POSTN: variants seen among roughly 807,000 people sequenced by gnomAD.
POSTN encodes osteoblast specific factor 2 (fasciclin I-like).
In POSTN, 71 loss-of-function variants were observed where a neutral mutation model predicts 104.5. That is an observed-to-expected ratio of 0.68 (90% CI 0.56 to 0.83). The LOEUF (loss-of-function observed/expected upper bound fraction) is 0.83. POSTN is among the 40% of genes least tolerant of loss of function. The probability of loss-of-function intolerance (pLI) is 0.00; values close to 1 mark genes in which losing one functional copy is unlikely to be tolerated. For synonymous variants in POSTN, 355 were observed against 340.7 expected (o/e 1.04, Z -0.46); for missense variants, 949 against 1,006.8 (o/e 0.94, Z 0.78).
At chr13:37,564,377 G>T (rs1950028987) in intron 22 of POSTN, 142 bp downstream of exon 22, 2 of 554,694 alleles carry the variant, frequency 3.6e-6, no homozygotes, top group Admixed American at 3.2e-5. Context: ...TATCAAAATT[G>T]TTTTCATCAA....
At chr13:37,588,023 G>A in intron 4 of POSTN, 37 bp from the exon 5 acceptor site, 3 of 1,494,882 alleles carry the variant, frequency 2.0e-6, no homozygotes, top group South Asian at 1.2e-5. Context: ...TCAATTTATT[G>A]TGGAACATTA....
rs1566041983 is a variant in POSTN at position 37,598,736 on chromosome 13, C to T, written c.-10G>A. ...GTAAAAAGGGAATCATCTTGAGTCT[C>T]TCCGTTGCAGTTAGTCCCCGAAGAG... On this transcript the variant is annotated 5_prime_UTR_variant, in exon 1 of 23. Transcript: ENST00000379747. The T allele has an allele frequency of 1.9e-6, 3 of 1,611,876 alleles. No homozygotes were observed. The highest frequency in any genetic ancestry group is 2.7e-5 in the African/African-American group (2 of 74,964).
intron 2 of POSTN, among the ~76,000 whole-genome samples, chr13:37,594,764 T>G (rs1946072031): frequency 1.8e-5 from 1 of 56,942 alleles, no homozygotes; most frequent in Non-Finnish European, 4.9e-5. Flanking sequence ...AGAGCAACTG[T>G]CAGCTGAAAG....
intron 15 of POSTN, 22 bp downstream of exon 15, chr13:37,578,818 GAAAT>G (rs773219570): frequency 1.8e-5 from 18 of 1,023,568 alleles, no homozygotes; most frequent in African/African-American, 1.2e-4. Flanking sequence ...AAAAAAAAAA[GAAAT>G]AAATCAAGTA....
At chr13:37,567,479 T>A (rs894511531) in intron 21 of POSTN, among the ~76,000 whole-genome samples, 2 of 152,094 alleles carry the variant, frequency 1.3e-5, no homozygotes, top group African/African-American at 4.8e-5. Flanking sequence ...ACCTGATGGT[T>A]TTAGATAGCT....
chr13:37,595,912 G>A (rs1010279352), intron 2 of POSTN, among the ~76,000 whole-genome samples: 1 of 150,868 alleles, frequency 6.6e-6, no homozygotes, highest in South Asian at 2.1e-4. Context: ...CTAGGTTCAA[G>A]CGATTCTCCT....
intron 4 of POSTN, among the ~76,000 whole-genome samples, chr13:37,589,617 G>A (rs1024219605): frequency 2.0e-5 from 3 of 152,142 alleles, no homozygotes; most frequent in African/African-American, 7.2e-5. Context: ...AACTGGAGAG[G>A]TGGTTAGAGA....
In POSTN at chr13:37,587,849, C is replaced by A; in HGVS notation, c.579G>T (p.Gly193=). 3.1e-6 allele frequency: 5 copies of A among 1,603,090 alleles called. No homozygotes were observed. The highest frequency in any genetic ancestry group is 4.3e-6 in the Non-Finnish European group (5 of 1,171,652). Residue 193 remains glycine (G), a synonymous_variant, in exon 5 of 23, where the codon GGG becomes GGT. Coordinates refer to ENST00000379747, the MANE Select transcript of POSTN (RefSeq NM_006475.3). The stretch of plus-strand genomic sequence containing the variant: ...CATTAGGATAATGGTTAATGAAAAG[C>A]CCCAAATTGTTATACATTGAAGGAA... ...MIIPSMYNNL[G]LFINHYPNGV... is the part of the protein sequence containing the mutation.
chr13:37,569,314 C>A lies in POSTN; in HGVS notation c.2417G>T (p.Arg806Ile). The A allele has an allele frequency of 5.6e-6, 9 of 1,612,148 alleles. No homozygotes were observed. Among genetic ancestry groups the A allele is most frequent in the Non-Finnish European group, 7.6e-6 (9 of 1,178,576 alleles). The change falls in exon 21 of 23, where the codon AGA (arginine) becomes ATA (isoleucine). Residue 806 changes from arginine (R) to isoleucine (I), a missense_variant. Arg to Ile is a moderately conservative substitution (Grantham distance 97, BLOSUM62 -3). Transcript: ENST00000379747. ...CTTTTACTAACCTCCCTGAAGCAGT[C>A]TTTTAATTTCTTCATCTTCAAATAA... ...GHLFEDEEIK[R>I]LLQGDTPVRK...
chr13:37,597,063 A>G, intron 2 of POSTN, 121 bp downstream of exon 2: 1 of 568,066 alleles, frequency 1.8e-6, no homozygotes, highest in Non-Finnish European at 2.9e-6. Flanking sequence ...TTTTCTTTAA[A>G]TAACTCTCAC....
chr13:37,567,831 C>T (rs1336676069), intron 21 of POSTN, among the ~76,000 whole-genome samples: 1 of 152,028 alleles, frequency 6.6e-6, no homozygotes, highest in Non-Finnish European at 1.5e-5. Context: ...TAGTATTTAA[C>T]TGGATTTTTC....
chr13:37,566,894 C>A (rs1040159255), intron 21 of POSTN, among the ~76,000 whole-genome samples: 1 of 152,062 alleles, frequency 6.6e-6, no homozygotes, highest in Non-Finnish European at 1.5e-5. Context: ...TGTTAATAGT[C>A]ATGACTTAAA....
intron 2 of POSTN, among the ~76,000 whole-genome samples, chr13:37,592,562 T>C (rs1262858478): frequency 3.9e-5 from 6 of 152,140 alleles, no homozygotes; most frequent in African/African-American, 1.4e-4. Flanking sequence ...CCTCCCAAAG[T>C]GTTGGGATTA....
At chr13:37,592,000 G>GT (rs1237208605) in intron 3 of POSTN, 100 bp downstream of exon 3, 45 of 672,764 alleles carry the variant, frequency 6.7e-5, no homozygotes, top group Admixed American at 3.2e-4. Flanking sequence ...GATTTAGGAT[G>GT]GTGCTGAATA....
chr13:37,566,856 C>T (rs1190577865), intron 21 of POSTN, among the ~76,000 whole-genome samples: 3 of 152,086 alleles, frequency 2.0e-5, no homozygotes, highest in Non-Finnish European at 4.4e-5. Flanking sequence ...CAAATCACAA[C>T]ATCAGTACTC....
At chr13:37,567,235 C>CAAAAAAAAAAAAAAAAA (rs71093694) in intron 21 of POSTN, among the ~76,000 whole-genome samples, 16 of 36,886 alleles carry the variant, frequency 4.3e-4, no homozygotes, top group African/African-American at 8.0e-4. Context: ...GACTCCGTCT[C>CAAAAAAAAAAAAAAAAA]AAAAAAAAAA....
At chr13:37,570,103 C>T (rs1342981045) in intron 19 of POSTN, among the ~76,000 whole-genome samples, 6 of 151,924 alleles carry the variant, frequency 3.9e-5, no homozygotes, top group South Asian at 2.1e-4. Context: ...GGATTTTCGG[C>T]GAATTTTAGG....
Position 37,570,650 on chromosome 13 carries a change from G to A in POSTN, c.2199C>T (p.Tyr733=), listed in dbSNP as rs758984479. ...VIHGEPIIKK[Y]TKIIDGVPVE... Reference sequence around the variant, plus strand: ...CAGGCACTCCATCAATGATTTTGGTGTATTTTTTAATAATTGGCTCTAAAA... The same window carrying A: ...CAGGCACTCCATCAATGATTTTGGTATATTTTTTAATAATTGGCTCTAAAA... Residue 733 remains tyrosine (Y), a synonymous_variant, in exon 19 of 23, where the codon TAC becomes TAT. Transcript: ENST00000379747. The A allele has an allele frequency of 3.7e-6, 6 of 1,606,294 alleles. No individual in the cohort carries two copies. The highest frequency in any genetic ancestry group is 5.1e-6 in the Non-Finnish European group (6 of 1,173,656).
chr13:37,571,718 G>T (rs1049544696), intron 17 of POSTN, among the ~76,000 whole-genome samples: 1 of 151,596 alleles, frequency 6.6e-6, no homozygotes, highest in African/African-American at 2.4e-5. Flanking sequence ...AAATCCATCT[G>T]TTTATTCGTA....
Sources: allele counts gnomAD v4.1 joint callset (sites outside exome capture counted in the v4.1 genomes callset), GRCh38; gene constraint gnomAD v4.1.1; transcripts MANE v1.5; gene names NCBI Gene and HGNC (gene_info 2026-07-23, HGNC 2026-07-21).